Variants in NELL1 observed in about 807,000 individuals in gnomAD.
NELL1 encodes protein kinase C-binding protein NELL1.
Under a neutral mutation model 107.4 loss-of-function variants are expected in NELL1, and 76 were observed. The ratio of observed to expected loss-of-function variants is 0.71; its 90% CI spans 0.59 to 0.86. The LOEUF (loss-of-function observed/expected upper bound fraction) is 0.86. Among genes scored for constraint, NELL1 ranks in the 40% least tolerant of loss-of-function variants. NELL1 has a pLI of 0.00. For missense variants in NELL1, 1,024 were observed against 1,005.5 expected (o/e 1.02, Z -0.25); for synonymous variants, 353 against 341.2 (o/e 1.03, Z -0.38).
In NELL1 at chr11:21,213,445, T is replaced by G. The variant is rs116789944; in HGVS notation, c.1427-15887T>G. ...TTGAATTGAATATTAAGGATTTTTTTATAGATACTGTAATCAATTGAATCA... is the reference window on the plus strand; with the variant it reads ...TTGAATTGAATATTAAGGATTTTTTGATAGATACTGTAATCAATTGAATCA... On this transcript the variant is annotated intron_variant, in intron 13 of 19. Transcript: ENST00000357134. Among the ~76,000 whole-genome samples, 688 of 152,274 alleles carry G rather than the reference T, an allele frequency of 4.5e-3. 6 individuals are homozygous for G. Among genetic ancestry groups the G allele is most frequent in the African/African-American group, 0.016 (657 of 41,566 alleles).
intron 12 of NELL1, among the ~76,000 whole-genome samples, chr11:20,976,376 C>T (rs1469930156): frequency 1.3e-5 from 2 of 152,024 alleles, no homozygotes; most frequent in African/African-American, 2.4e-5. Context: ...GACAAGCAGA[C>T]CATTTGATAT....
intron 3 of NELL1, among the ~76,000 whole-genome samples, chr11:20,827,604 A>G (rs879891082): frequency 4.0e-5 from 6 of 151,044 alleles, no homozygotes; most frequent in Non-Finnish European, 7.4e-5. Flanking sequence ...CAGAAAGAGG[A>G]TTGCATGTAG....
At chr11:21,533,937 C>A (rs1856061587) in intron 15 of NELL1, among the ~76,000 whole-genome samples, 1 of 152,034 alleles carries the variant, frequency 6.6e-6, no homozygotes, top group South Asian at 2.1e-4. Context: ...TTAAAAAAAT[C>A]AGTTTAATAA....
intron 4 of NELL1, among the ~76,000 whole-genome samples, chr11:20,857,314 G>C (rs940493144): frequency 6.6e-6 from 1 of 152,066 alleles, no homozygotes; most frequent in Admixed American, 6.6e-5. Flanking sequence ...ATAGCCCCCC[G>C]AGTGTTCTTT....
chr11:21,335,562 T>G (rs934494268), intron 14 of NELL1, among the ~76,000 whole-genome samples: 1 of 152,066 alleles, frequency 6.6e-6, no homozygotes, highest in Non-Finnish European at 1.5e-5. Context: ...TATCTGCCAA[T>G]GGAAATTAAA....
rs137946355 is a variant in NELL1 at position 20,956,571 on chromosome 11, G to A, written c.1172-3861G>A. ...TGAGGCAGGAGAATGGCATGAACCC[G>A]GGAGGCAGAGCTTGCAGTGAGCTGA... On this transcript the variant is annotated intron_variant, in intron 11 of 19. Transcript: ENST00000357134. Among the ~76,000 whole-genome samples the A allele has an allele frequency of 8.3e-3, 1,251 of 151,538 alleles. 14 individuals are homozygous for A. Among genetic ancestry groups the A allele is most frequent in the African/African-American group, 0.029 (1,190 of 41,332 alleles).
At chr11:21,220,352 T>TA (rs1168822895) in intron 13 of NELL1, among the ~76,000 whole-genome samples, 1 of 152,210 alleles carries the variant, frequency 6.6e-6, no homozygotes, top group Non-Finnish European at 1.5e-5. Context: ...TGGGATCTTT[T>TA]ATGGTTCCTC....
At chr11:21,077,787 T>A (rs75183693) in intron 12 of NELL1, among the ~76,000 whole-genome samples, 22,601 of 149,718 alleles carry the variant, frequency 0.15, 1,894 homozygotes, top group East Asian at 0.29. Context: ...TACTGTAACA[T>A]AAATAAATAA....
chr11:21,323,011 A>G (rs1419120357), intron 14 of NELL1, among the ~76,000 whole-genome samples: 1 of 152,146 alleles, frequency 6.6e-6, no homozygotes, highest in Non-Finnish European at 1.5e-5. Flanking sequence ...TCAGCCTGGA[A>G]TAAAACTGCT....
At chr11:21,082,927 C>T (rs11025906) in intron 12 of NELL1, among the ~76,000 whole-genome samples, 3,481 of 152,234 alleles carry the variant, frequency 0.023, 96 homozygotes, top group South Asian at 0.12. Context: ...TTTATTTTTC[C>T]TGTAGCCTGA....
At chr11:20,907,232 C>CAAA (rs5790146) in intron 5 of NELL1, among the ~76,000 whole-genome samples, 15,241 of 124,792 alleles carry the variant, frequency 0.12, 1,072 homozygotes, top group Admixed American at 0.17. Context: ...GACTCCATCT[C>CAAA]AAAAAAAAAA....
At chr11:21,436,519 T>C (rs1393957393) in intron 15 of NELL1, among the ~76,000 whole-genome samples, 1 of 152,178 alleles carries the variant, frequency 6.6e-6, no homozygotes, top group African/African-American at 2.4e-5. Context: ...TTTTATTTAT[T>C]TGGGTCTTCT....
intron 4 of NELL1, among the ~76,000 whole-genome samples, chr11:20,877,329 T>C (rs1482817512): frequency 6.6e-6 from 1 of 152,250 alleles, no homozygotes; most frequent in Non-Finnish European, 1.5e-5. Context: ...TATTGTCTTA[T>C]TGAACAGTGG....
At chr11:20,772,618 T>TTCATTCAC in intron 2 of NELL1, among the ~76,000 whole-genome samples, 1 of 151,810 alleles carries the variant, frequency 6.6e-6, no homozygotes, top group Admixed American at 6.5e-5. Flanking sequence ...GCACTTTTCA[T>TTCATTCAC]TCATTCATTC....
chr11:20,758,351 T>G (rs969271805), intron 2 of NELL1, among the ~76,000 whole-genome samples: 6 of 152,076 alleles, frequency 3.9e-5, no homozygotes, highest in Non-Finnish European at 8.8e-5. Flanking sequence ...AAATCCAAAC[T>G]CCTTAGCATG....
chr11:20,906,878 G>T (rs1351833076), intron 5 of NELL1, among the ~76,000 whole-genome samples: 1 of 152,006 alleles, frequency 6.6e-6, no homozygotes, highest in African/African-American at 2.4e-5. Flanking sequence ...AAAACTCAGA[G>T]CTAGCATTAT....
chr11:20,751,682 G>A lies in NELL1; in HGVS notation c.185-31998G>A, dbSNP rs1224309724. On this transcript the variant is annotated intron_variant, in intron 2 of 19. Coordinates refer to ENST00000357134, the MANE Select transcript of NELL1 (RefSeq NM_006157.5). ...AAAAAAAACTCTTTTTAGAGATGAA[G>A]TCTTGCTGTGTTGCTCAGGCTGGTT... Among the ~76,000 whole-genome samples, 5 of 151,446 alleles carry A rather than the reference G, an allele frequency of 3.3e-5. No individual in the cohort carries two copies. In the East Asian group the frequency reaches 7.7e-4, roughly 23 times the overall value.
chr11:21,209,390 A>T lies in NELL1; in HGVS notation c.1427-19942A>T, dbSNP rs183446554. ...TCTTACCCCCATATTACTATCAAATAAATGGTTTTTTTCAATTAAGGAAAT... is the reference window on the plus strand; with the variant it reads ...TCTTACCCCCATATTACTATCAAATTAATGGTTTTTTTCAATTAAGGAAAT... On this transcript the variant is annotated intron_variant, in intron 13 of 19. Coordinates refer to ENST00000357134, the MANE Select transcript of NELL1 (RefSeq NM_006157.5). Among the ~76,000 whole-genome samples, 193 of 149,956 alleles carry T rather than the reference A, an allele frequency of 1.3e-3. 1 individual carries two copies. The highest frequency in any genetic ancestry group is 2.4e-3 in the Non-Finnish European group (165 of 67,558).
In NELL1 at chr11:20,727,641, T is replaced by A. The variant is rs192451548; in HGVS notation, c.184+49581T>A. Among the ~76,000 whole-genome samples the A allele has an allele frequency of 9.2e-5, 14 of 152,342 alleles. No homozygotes were observed. The South Asian group carries it at 1.5e-3, about 16-fold the overall frequency. ...CAATTTTGGCTTTTGTTGCCATTGCTTTTGGTATTTTAGTCATGAAGCCCT... is the reference window on the plus strand; with the variant it reads ...CAATTTTGGCTTTTGTTGCCATTGCATTTGGTATTTTAGTCATGAAGCCCT... On this transcript the variant is annotated intron_variant, in intron 2 of 19. Transcript: ENST00000357134.
Sources: allele counts gnomAD v4.1 joint callset (sites outside exome capture counted in the v4.1 genomes callset), GRCh38; gene constraint gnomAD v4.1.1; transcripts MANE v1.5; gene names NCBI Gene and HGNC (gene_info 2026-07-23, HGNC 2026-07-21).